PECAM1: variants seen among roughly 807,000 people sequenced by gnomAD.
The protein encoded by PECAM1 is platelet endothelial cell adhesion molecule.
A neutral mutation model predicts 13.8 loss-of-function variants in PECAM1; 8 were observed. The observed-to-expected ratio is 0.58, with a 90% confidence interval of 0.34 to 1.05. PECAM1 has a LOEUF of 1.05. Ranked by LOEUF, PECAM1 falls within the 50% of genes least tolerant of loss-of-function variation. The pLI, the probability that PECAM1 is intolerant of heterozygous loss-of-function variation, is 0.03. For missense variants in PECAM1, 304 were observed against 141.2 expected (o/e 2.15, Z -5.84); for synonymous variants, 136 against 52.6 (o/e 2.58, Z -6.86).
chr17:64,362,659 T>TAAAA (rs1303214823), intron 6 of PECAM1, among the ~76,000 whole-genome samples: 3 of 149,764 alleles, frequency 2.0e-5, no homozygotes, highest in African/African-American at 7.4e-5. Context: ...CTCAAAAAAA[T>TAAAA]AAATAAATAA....
rs1040420297 is a variant in PECAM1 at position 64,319,471 on chromosome 17, T to C, written c.*4345A>G. 2.7e-4 allele frequency: 41 copies of C among 152,122 alleles called. No homozygotes were observed. Among genetic ancestry groups the C allele is most frequent in the African/African-American group, 8.7e-4 (36 of 41,418 alleles). 9.4% of individuals were successfully genotyped at this position (152,122 alleles called of 1,614,324 possible). A position where few individuals can be genotyped will look rare whatever the true frequency, so the allele number is the denominator to read the frequency against. On this transcript the variant is annotated 3_prime_UTR_variant, in exon 16 of 16. Coordinates refer to ENST00000563924, the MANE Select transcript of PECAM1 (RefSeq NM_000442.5). ...GTTTTAGAGCAGGAACAAAAGGAAGTACACTACACTTGGGTCAGGCAGGCA... is the reference window on the plus strand; with the variant it reads ...GTTTTAGAGCAGGAACAAAAGGAAGCACACTACACTTGGGTCAGGCAGGCA...
intron 5 of PECAM1, among the ~76,000 whole-genome samples, chr17:64,367,210 A>G (rs2036128988): frequency 6.6e-6 from 1 of 152,106 alleles, no homozygotes; most frequent in African/African-American, 2.4e-5. Context: ...AAGTGCTTAC[A>G]TTTAGTGGTT....
At chr17:64,341,595 G>A in intron 14 of PECAM1, 39 bp downstream of exon 14, 2 of 432,742 alleles carry the variant, frequency 4.6e-6, no homozygotes, top group South Asian at 1.1e-4. Context: ...GATTCTAGGG[G>A]GCATCCCCCA....
At chr17:64,371,179 T>C (rs2036229451) in intron 4 of PECAM1, among the ~76,000 whole-genome samples, 1 of 152,196 alleles carries the variant, frequency 6.6e-6, no homozygotes, top group Non-Finnish European at 1.5e-5. Flanking sequence ...GTGTGTTTTT[T>C]TCCTTTAATA....
chr17:64,324,303 C>T (rs1555645173), intron 15 of PECAM1, among the ~76,000 whole-genome samples: 1 of 152,130 alleles, frequency 6.6e-6, no homozygotes, highest in East Asian at 1.9e-4. Context: ...GATGGATTCT[C>T]ACTCTGTCAC....
At chr17:64,348,194 C>T (rs1017490060) in intron 13 of PECAM1, 66 bp downstream of exon 13, 104 of 470,668 alleles carry the variant, frequency 2.2e-4, no homozygotes, top group Admixed American at 4.8e-4. Flanking sequence ...ACAGCACCCC[C>T]GCCACCACTG....
At chr17:64,335,699 A>AC (rs1335674288) in intron 14 of PECAM1, among the ~76,000 whole-genome samples, 9 of 151,776 alleles carry the variant, frequency 5.9e-5, no homozygotes, top group African/African-American at 2.2e-4. Context: ...TAATAATAGA[A>AC]CCCCCATCAA....
intron 4 of PECAM1, among the ~76,000 whole-genome samples, chr17:64,370,571 T>C (rs928993019): frequency 6.6e-6 from 1 of 152,226 alleles, no homozygotes; most frequent in African/African-American, 2.4e-5. Flanking sequence ...CTCATGCAGT[T>C]TGAAAAACAA....
chr17:64,319,472 A>G lies in PECAM1; in HGVS notation c.*4344T>C, dbSNP rs1481642904. ...TTTTAGAGCAGGAACAAAAGGAAGT[A>G]CACTACACTTGGGTCAGGCAGGCAA... On this transcript the variant is annotated 3_prime_UTR_variant, in exon 16 of 16. Transcript: ENST00000563924. 6.6e-6 allele frequency: 1 copy of G among 152,168 alleles called. No individual in the cohort carries two copies. The highest frequency in any genetic ancestry group is 1.5e-5 in the Non-Finnish European group (1 of 68,028). 9.4% of individuals were successfully genotyped at this position (152,168 alleles called of 1,614,324 possible).
At chr17:64,361,129 ATG>A (rs145637288) in intron 6 of PECAM1, among the ~76,000 whole-genome samples, 87 of 137,258 alleles carry the variant, frequency 6.3e-4, no homozygotes, top group South Asian at 3.1e-3. Flanking sequence ...CTGAGCATAT[ATG>A]TGTGTGTGTG....
At chr17:64,345,546 C>A (rs957794596) in intron 13 of PECAM1, among the ~76,000 whole-genome samples, 28 of 151,884 alleles carry the variant, frequency 1.8e-4, no homozygotes, top group African/African-American at 6.8e-4. Flanking sequence ...AACCCTGTCT[C>A]TACTAAAAAT....
At chr17:64,345,580 G>GC (rs2035543468) in intron 13 of PECAM1, among the ~76,000 whole-genome samples, 9 of 152,042 alleles carry the variant, frequency 5.9e-5, no homozygotes, top group Non-Finnish European at 1.2e-4. Context: ...GGGGATGGTG[G>GC]TGGGCGCCTG....
At chr17:64,382,292 A>G (rs2143896725) in intron 2 of PECAM1, among the ~76,000 whole-genome samples, 1 of 152,300 alleles carries the variant, frequency 6.6e-6, no homozygotes, top group South Asian at 2.1e-4. Context: ...TAAAGAGCAG[A>G]AATCAAGTGC....
Position 64,360,128 on chromosome 17 carries a change from A to C in PECAM1, c.1492+12T>G. The C allele has an allele frequency of 4.2e-6, 2 of 475,374 alleles. No homozygotes were observed. The highest frequency in any genetic ancestry group is 7.7e-6 in the Non-Finnish European group (2 of 259,044). 29.4% of individuals were successfully genotyped at this position (475,374 alleles called of 1,614,324 possible). A position where few individuals can be genotyped will look rare whatever the true frequency, so the allele number is the denominator to read the frequency against. On this transcript the variant is annotated intron_variant, in intron 7 of 15. Transcript: ENST00000563924. The stretch of plus-strand genomic sequence containing the variant: ...AGCCCACATGATTTCTTCTCACAGC[A>C]CAGCAACTTACCTATCACCTTCACC...
chr17:64,388,467 C>T (rs2036647651), intron 2 of PECAM1, among the ~76,000 whole-genome samples: 1 of 152,146 alleles, frequency 6.6e-6, no homozygotes, highest in Admixed American at 6.6e-5. Context: ...CAACCTCACA[C>T]CCACTTCATG....
chr17:64,367,152 G>A (rs1307064759), intron 5 of PECAM1, among the ~76,000 whole-genome samples: 4 of 152,010 alleles, frequency 2.6e-5, no homozygotes, highest in Non-Finnish European at 5.9e-5. Flanking sequence ...CGGGCCCCTT[G>A]CTAGGCACTG....
At chr17:64,338,239 ATTT>A (rs149206249) in intron 14 of PECAM1, among the ~76,000 whole-genome samples, 7,870 of 108,842 alleles carry the variant, frequency 0.072, 329 homozygotes, top group African/African-American at 0.14. Flanking sequence ...ATTTTTTAAA[ATTT>A]TTTTTTTTTT....
intron 4 of PECAM1, among the ~76,000 whole-genome samples, 180 bp downstream of exon 4, chr17:64,374,871 A>C (rs1334318241): frequency 6.6e-6 from 1 of 152,212 alleles, no homozygotes; most frequent in Non-Finnish European, 1.5e-5. Flanking sequence ...CTCTTGTCTG[A>C]AAAATTGTAT....
chr17:64,324,043 G>T, intron 15 of PECAM1, 198 bp from the exon 16 acceptor site: 1 of 848,260 alleles, frequency 1.2e-6, no homozygotes, highest in Non-Finnish European at 2.0e-6. Context: ...AGATACACGT[G>T]GCCCCTCAGA....
Sources: allele counts gnomAD v4.1 joint callset (sites outside exome capture counted in the v4.1 genomes callset), GRCh38; gene constraint gnomAD v4.1.1; transcripts MANE v1.5; gene names NCBI Gene and HGNC (gene_info 2026-07-23, HGNC 2026-07-21).